The following SORBS2 variants were observed in gnomAD, a reference collection of about 807,000 sequenced individuals.
SORBS2 encodes sorbin and SH3 domain containing 2, also known as sorbin and SH3 domain-containing protein 2.
A neutral mutation model predicts 97.7 loss-of-function variants in SORBS2; 46 were observed. The observed-to-expected ratio is 0.47, with a 90% CI of 0.37 to 0.60. SORBS2 has a LOEUF of 0.60. SORBS2 is among the 20% of genes least tolerant of loss of function. The probability of loss-of-function intolerance (pLI) is 0.00; values close to 1 mark genes in which losing one functional copy is unlikely to be tolerated. For synonymous variants in SORBS2, 476 were observed against 473.4 expected (o/e 1.01, Z -0.07); for missense variants, 1,316 against 1,282.3 (o/e 1.03, Z -0.40).
chr4:185,659,576 C>A (rs544642508), upstream of SORBS2, among the ~76,000 whole-genome samples: 20 of 138,224 alleles, frequency 1.4e-4, no homozygotes, highest in South Asian at 4.8e-3. Flanking sequence ...GCCATCACGC[C>A]CAGCTAATTT....
chr4:185,890,543 G>A (rs561084471), intron 1 of SORBS2, among the ~76,000 whole-genome samples: 1 of 152,080 alleles, frequency 6.6e-6, no homozygotes, highest in Non-Finnish European at 1.5e-5. Context: ...CTTTAAGGCC[G>A]CCTCCACTCA....
At chr4:185,943,367 A>G (rs10020577) in intron 1 of SORBS2, among the ~76,000 whole-genome samples, 1 of 152,172 alleles carries the variant, frequency 6.6e-6, no homozygotes, top group African/African-American at 2.4e-5. Context: ...CAACTGCAGC[A>G]TCACTGAATT....
intron 4 of SORBS2, among the ~76,000 whole-genome samples, chr4:185,631,462 C>A (rs942455959): frequency 1.3e-5 from 2 of 152,136 alleles, no homozygotes; most frequent in Non-Finnish European, 2.9e-5. Flanking sequence ...GGTATGATGT[C>A]CAGAAAGCAC....
At chr4:185,637,107 C>T (rs917796086) in intron 4 of SORBS2, among the ~76,000 whole-genome samples, 1 of 152,188 alleles carries the variant, frequency 6.6e-6, no homozygotes, top group Non-Finnish European at 1.5e-5. Flanking sequence ...TCCTTATATC[C>T]CTAATGGTAA....
chr4:185,677,006 G>C, intron 4 of SORBS2: 1 of 1,550,338 alleles, frequency 6.5e-7, no homozygotes, highest in African/African-American at 1.4e-5. Context: ...CCACTCTGCA[G>C]TCTGAGGACT....
intron 2 of SORBS2, among the ~76,000 whole-genome samples, chr4:185,758,891 T>G (rs1035104484): frequency 6.6e-6 from 1 of 152,232 alleles, no homozygotes; most frequent in African/African-American, 2.4e-5. Context: ...AGCTGCACTG[T>G]CCTCAACACA....
At chr4:185,639,360 A>C (rs1216202870) in intron 4 of SORBS2, among the ~76,000 whole-genome samples, 1 of 152,208 alleles carries the variant, frequency 6.6e-6, no homozygotes, top group African/African-American at 2.4e-5. Flanking sequence ...TCGATGTTCT[A>C]ATTTAGAGAA....
At chr4:185,685,048 T>C (rs1337758202) in intron 2 of SORBS2, among the ~76,000 whole-genome samples, 1 of 152,156 alleles carries the variant, frequency 6.6e-6, no homozygotes, top group African/African-American at 2.4e-5. Context: ...AGACCAGGGA[T>C]CTGTCTTAGA....
intron 2 of SORBS2, among the ~76,000 whole-genome samples, chr4:185,706,708 T>C (rs10007109): frequency 0.38 from 57,841 of 152,082 alleles, 11,218 homozygotes; most frequent in Non-Finnish European, 0.4. Context: ...TCCTTTCCTG[T>C]TCATATAATT....
intron 9 of SORBS2, 154 bp from the exon 22 acceptor site, chr4:185,615,313 G>A: frequency 1.6e-6 from 1 of 607,144 alleles, no homozygotes; most frequent in East Asian, 2.8e-5. Flanking sequence ...AATGATCCTT[G>A]CAAATTCTTA....
chr4:185,648,485 TAA>T (rs953494671), intron 3 of SORBS2, among the ~76,000 whole-genome samples: 3 of 138,644 alleles, frequency 2.2e-5, no homozygotes, highest in Non-Finnish European at 1.6e-5. Flanking sequence ...AGACTCCATT[TAA>T]AAAAAAAAAA....
intron 2 of SORBS2, among the ~76,000 whole-genome samples, chr4:185,723,328 C>G (rs1044146296): frequency 2.0e-5 from 3 of 152,164 alleles, no homozygotes; most frequent in African/African-American, 7.2e-5. Context: ...ACTTTGAAAA[C>G]AGTTTTATGT....
intron 2 of SORBS2, among the ~76,000 whole-genome samples, chr4:185,749,439 T>G (rs766160994): frequency 1.1e-4 from 17 of 149,650 alleles, no homozygotes; most frequent in Non-Finnish European, 2.4e-4. Flanking sequence ...GTCGTCATTT[T>G]GTATTAAGCA....
intron 1 of SORBS2, among the ~76,000 whole-genome samples, chr4:185,804,072 G>C (rs900734835): frequency 5.3e-5 from 8 of 152,090 alleles, no homozygotes; most frequent in Non-Finnish European, 1.0e-4. Flanking sequence ...AAAAAGTCTC[G>C]ATGACTTAAA....
intron 12 of SORBS2, among the ~76,000 whole-genome samples, chr4:185,598,922 C>T (rs1235561102): frequency 2.6e-5 from 4 of 151,986 alleles, no homozygotes; most frequent in East Asian, 1.9e-4. Context: ...CATACCATCT[C>T]GTGGACCCAC....
intron 4 of SORBS2, among the ~76,000 whole-genome samples, chr4:185,671,533 T>C (rs1359529862): frequency 5.3e-5 from 8 of 152,156 alleles, no homozygotes; most frequent in African/African-American, 1.4e-4. Flanking sequence ...AAAAATTAAG[T>C]AGGGCAATGT....
At chr4:185,944,937 T>C (rs1215670786) in intron 1 of SORBS2, among the ~76,000 whole-genome samples, 3 of 152,200 alleles carry the variant, frequency 2.0e-5, no homozygotes, top group Admixed American at 2.0e-4. Context: ...ATTTCTCCAA[T>C]GCAGCAGCCA....
intron 2 of SORBS2, among the ~76,000 whole-genome samples, chr4:185,741,143 T>C (rs1297724991): frequency 6.6e-6 from 1 of 152,060 alleles, no homozygotes; most frequent in African/African-American, 2.4e-5. Context: ...GGTCAGTACC[T>C]TGACTAAATA....
intron 2 of SORBS2, among the ~76,000 whole-genome samples, chr4:185,731,611 T>C (rs1268282341): frequency 4.9e-4 from 33 of 66,802 alleles, no homozygotes; most frequent in African/African-American, 1.5e-3. Flanking sequence ...TATCTCTCTC[T>C]CTCCCTCCCT....
Sources: gnomAD v4.1 joint callset for allele counts (sites outside exome capture counted in the v4.1 genomes callset) on GRCh38, gnomAD v4.1.1 for gene constraint, MANE v1.5 for transcripts, NCBI Gene and HGNC (gene_info 2026-07-23, HGNC 2026-07-21) for gene names.